Variants in NCF4 observed in about 807,000 individuals in gnomAD.
NCF4 encodes the protein neutrophil cytosolic factor 4.
NCF4 carries 30 observed loss-of-function variants against 41.7 expected under a neutral mutation model. The ratio of observed to expected loss-of-function variants is 0.72; its 90% CI spans 0.54 to 0.97. NCF4 has a LOEUF of 0.97. Ranked by LOEUF, NCF4 falls within the 50% of genes least tolerant of loss-of-function variation. The probability of loss-of-function intolerance (pLI) is 0.00; values close to 1 mark genes in which losing one functional copy is unlikely to be tolerated. For synonymous variants in NCF4, 195 were observed against 175.8 expected (o/e 1.11, Z -0.87); for missense variants, 432 against 460.9 (o/e 0.94, Z 0.57).
At position 36,870,342 on chromosome 22, in the gene NCF4, C is replaced by T. The variant is rs28485904; in HGVS notation, c.343-73C>T. ...GAGGGCTGATGTCAGGGCTCGGGGA[C>T]GGGACATCTAGGCTGGGGTGTCCAG... On this transcript the variant is annotated intron_variant, in intron 4 of 9. Transcript: ENST00000248899. 3.6e-3 allele frequency: 5,797 copies of T among 1,604,732 alleles called. 190 individuals carry two copies. In the African/African-American group the frequency reaches 0.069, roughly 19 times the overall value.
rs1193225365 is a variant in NCF4, at chr22:36,877,771, A to T, written c.968A>T (p.Lys323Met). The change falls in exon 10 of 10, where the codon AAG (lysine) becomes ATG (methionine). Residue 323 changes from lysine (K) to methionine (M), a missense_variant. Physicochemically the swap from Lys to Met is moderately conservative, Grantham distance 95. Coordinates refer to ENST00000248899, the MANE Select transcript of NCF4 (RefSeq NM_000631.5). Reference protein sequence around the residue: ...LPSQKRLFPWKLHITQKDNYR... With the variant: ...LPSQKRLFPWMLHITQKDNYR... ...TCCCAGAAGCGCCTCTTCCCCTGGA[A>T]GCTGCACATCACGCAGAAGGACAAC... The T allele has an allele frequency of 1.2e-6, 2 of 1,614,070 alleles. No individual in the cohort carries two copies. The highest frequency in any genetic ancestry group is 4.5e-5 in the East Asian group (2 of 44,850).
In NCF4 at chr22:36,864,118, A is replaced by T; in HGVS notation, c.106A>T (p.Thr36Ser). 1 of 1,603,432 alleles carries T rather than the reference A, an allele frequency of 6.2e-7. No homozygotes were observed. Among genetic ancestry groups the T allele is most frequent in the Non-Finnish European group, 8.5e-7 (1 of 1,174,578 alleles). The change falls in exon 2 of 10, where the codon ACC (threonine) becomes TCC (serine). Residue 36 changes from threonine to serine, a missense_variant. Transcript: ENST00000248899. Reference protein sequence around the residue: ...IADIEEKRGFTSHFVFVIEVK... With the variant: ...IADIEEKRGFSSHFVFVIEVK... ...TGACATCGAGGAGAAGAGAGGCTTC[A>T]CCAGCCACTTTGTAAGACAGACTCC...
At chr22:36,861,544 A>G (rs1422662747) in intron 1 of NCF4, among the ~76,000 whole-genome samples, 2 of 152,108 alleles carry the variant, frequency 1.3e-5, no homozygotes, top group Non-Finnish European at 2.9e-5. Context: ...ATGACTTTCC[A>G]TCTTCTGCGC....
intron 7 of NCF4, among the ~76,000 whole-genome samples, chr22:36,874,979 C>A (rs950863035): frequency 3.3e-5 from 5 of 152,164 alleles, no homozygotes; most frequent in African/African-American, 9.7e-5. Flanking sequence ...GCGTGTCATT[C>A]CCCATCATAC....
chr22:36,863,062 C>T (rs547481379), intron 1 of NCF4, among the ~76,000 whole-genome samples: 81 of 152,238 alleles, frequency 5.3e-4, no homozygotes, highest in South Asian at 2.7e-3. Context: ...AGGGGACTTC[C>T]GGTTGGGTTT....
Position 36,865,579 on chromosome 22 carries a change from C to T in NCF4, c.271+507C>T, listed in dbSNP as rs1235308943. ...CTCTGCTTGCAAACAGTCTCCCCGC[C>T]CCCTGGCCTCCTGGTCCTTCCTCCC... On this transcript the variant is annotated intron_variant, in intron 3 of 9. Transcript: ENST00000248899. The surrounding 1 kb of genome is among the most constrained non-coding windows in gnomAD (Gnocchi z 4.3). Among the ~76,000 whole-genome samples, 2 of 152,116 alleles carry T rather than the reference C, an allele frequency of 1.3e-5. No individual in the cohort carries two copies. Among genetic ancestry groups the T allele is most frequent in the South Asian group, 2.1e-4 (1 of 4,820 alleles).
intron 9 of NCF4, 39 bp from the exon 10 acceptor site, chr22:36,877,589 G>A (rs377128925): frequency 8.4e-5 from 135 of 1,610,134 alleles, no homozygotes; most frequent in Middle Eastern, 1.7e-4. Flanking sequence ...CCTACCTTAC[G>A]CTTAGGCCCT....
rs772046027 is a variant in NCF4 at position 36,861,123 on chromosome 22, G to A, written c.-49G>A. ...GAAGTGAGAGGTGAACTCAGCCTGG[G>A]ACTGGCTGGGCGAGACTCTCCACCT... On this transcript the variant is annotated 5_prime_UTR_variant, in exon 1 of 10. Coordinates refer to ENST00000248899, the MANE Select transcript of NCF4 (RefSeq NM_000631.5). 3 of 1,550,180 alleles carry A rather than the reference G, an allele frequency of 1.9e-6. No individual in the cohort carries two copies. Among genetic ancestry groups the A allele is most frequent in the Non-Finnish European group, 2.6e-6 (3 of 1,145,822 alleles).
rs1163742214 is a variant in NCF4, at chr22:36,871,806, T to G, written c.528+97T>G. ...GGGCCTCTCCTGCTGGGTGCTGCTG[T>G]GTGCCTGGGACAGTGCTGGGCACCA... On this transcript the variant is annotated intron_variant, in intron 6 of 9. Coordinates refer to ENST00000248899, the MANE Select transcript of NCF4 (RefSeq NM_000631.5). 2.2e-6 allele frequency: 3 copies of G among 1,370,128 alleles called. No individual in the cohort carries two copies. In the South Asian group the frequency reaches 3.7e-5, roughly 17 times the overall value. 84.9% of individuals were successfully genotyped at this position (1,370,128 alleles called of 1,614,324 possible). A position where few individuals can be genotyped will look rare whatever the true frequency, so the allele number is the denominator to read the frequency against.
intron 3 of NCF4, among the ~76,000 whole-genome samples, chr22:36,867,031 G>A (rs1217095145): frequency 6.6e-6 from 1 of 151,898 alleles, no homozygotes; most frequent in Admixed American, 6.6e-5. Context: ...TGTGCAGCCG[G>A]TGTTGCCACT....
rs540990854 is a variant in NCF4, at chr22:36,878,005, T to C, written c.*182T>C. ...CATCTGATTTAAATAAACCATTCCA[T>C]CTGAAAGGGGCAGGCTGCGGGAAAG... On this transcript the variant is annotated 3_prime_UTR_variant, in exon 10 of 10. Coordinates refer to ENST00000248899, the MANE Select transcript of NCF4 (RefSeq NM_000631.5). 3.1e-6 allele frequency: 2 copies of C among 648,972 alleles called. No individual in the cohort carries two copies. Among genetic ancestry groups the C allele is most frequent in the Admixed American group, 5.8e-5 (2 of 34,456 alleles). The allele number at this position is 648,972 out of a possible 1,614,324, so 40.2% of individuals were successfully genotyped here.
intron 9 of NCF4, among the ~76,000 whole-genome samples, chr22:36,876,932 C>T (rs930946259): frequency 1.3e-5 from 2 of 152,166 alleles, no homozygotes; most frequent in Non-Finnish European, 1.5e-5. Flanking sequence ...TAGAAGGATG[C>T]GCATCTTCCC....
At position 36,871,054 on chromosome 22, in the gene NCF4, G is replaced by T. The variant is rs370580381; in HGVS notation, c.470+512G>T. Among the ~76,000 whole-genome samples, 33 of 152,342 alleles carry T rather than the reference G, an allele frequency of 2.2e-4. 1 individual carries two copies. In the South Asian group the frequency reaches 6.6e-3, roughly 31 times the overall value. On this transcript the variant is annotated intron_variant, in intron 5 of 9. Coordinates refer to ENST00000248899, the MANE Select transcript of NCF4 (RefSeq NM_000631.5). ...ATTCAAGCCACTCGTAGACTGCTGG[G>T]CTTCCAAAGCCCAGGTTGCTGCTAC... is the stretch of plus-strand genomic sequence containing the variant.
rs1939855445 is a variant in NCF4 at position 36,864,052 on chromosome 22, G to C, written c.40G>C (p.Glu14Gln). ...TTCCCCTCCTTCGCACAGTGACTTT[G>C]AACAGCTTCCGGATGATGTTGCCAT... Reference protein sequence around the residue: ...AQQLRAESDFEQLPDDVAISA... With the variant: ...AQQLRAESDFQQLPDDVAISA... The change falls in exon 2 of 10, where the codon GAA becomes CAA. Residue 14 changes from glutamate to glutamine, a missense_variant. Transcript: ENST00000248899. 3 of 1,614,004 alleles carry C rather than the reference G, an allele frequency of 1.9e-6. No homozygotes were observed. Among genetic ancestry groups the C allele is most frequent in the African/African-American group, 1.3e-5 (1 of 74,904 alleles).
intron 7 of NCF4, among the ~76,000 whole-genome samples, chr22:36,875,024 T>G (rs536113964): frequency 6.6e-6 from 1 of 152,264 alleles, no homozygotes; most frequent in South Asian, 2.1e-4. Flanking sequence ...TTATTATTAT[T>G]TTTTTATTAT....
At position 36,861,144 on chromosome 22, in the gene NCF4, C is replaced by T. The variant is rs965443035; in HGVS notation, c.-28C>T. 2 of 1,551,426 alleles carry T rather than the reference C, an allele frequency of 1.3e-6. No individual in the cohort carries two copies. Among genetic ancestry groups the T allele is most frequent in the African/African-American group, 1.4e-5 (1 of 73,154 alleles). On this transcript the variant is annotated 5_prime_UTR_variant, in exon 1 of 10. Coordinates refer to ENST00000248899, the MANE Select transcript of NCF4 (RefSeq NM_000631.5). ...CTGGGACTGGCTGGGCGAGACTCTC[C>T]ACCTGCTCCCTGGGACCATCGCCCA...
At position 36,877,853 on chromosome 22, in the gene NCF4, A is replaced by T. The variant is rs557549740; in HGVS notation, c.*30A>T. The T allele has an allele frequency of 6.3e-7, 1 of 1,592,322 alleles. No individual in the cohort carries two copies. The highest frequency in any genetic ancestry group is 1.1e-5 in the South Asian group (1 of 88,980). ...ACGGTGTCCCTGGAGCAGTGAGGGG[A>T]CACCAGCAAAAACCTTCAGCTCTCA... On this transcript the variant is annotated 3_prime_UTR_variant, in exon 10 of 10. Transcript: ENST00000248899.
Position 36,870,240 on chromosome 22 carries a change from C to T in NCF4, c.343-175C>T, listed in dbSNP as rs1940020567. The T allele has an allele frequency of 6.6e-6, 6 of 906,656 alleles. No individual in the cohort carries two copies. The South Asian group carries it at 8.8e-5, about 13-fold the overall frequency. 56.2% of individuals were successfully genotyped at this position (906,656 alleles called of 1,614,324 possible). On this transcript the variant is annotated intron_variant, in intron 4 of 9. Coordinates refer to ENST00000248899, the MANE Select transcript of NCF4 (RefSeq NM_000631.5). The stretch of plus-strand genomic sequence containing the variant: ...CAGGAGCAGAGCTTGTGAAGTGTTA[C>T]CTTCAGCATGCTGAGTTTTCTTATT...
intron 2 of NCF4, 115 bp from the exon 3 acceptor site, chr22:36,864,804 C>G: frequency 7.6e-7 from 1 of 1,314,820 alleles, no homozygotes; most frequent in East Asian, 2.4e-5. Context: ...AGAGACCCTT[C>G]TGCATCCTTA....
Sources: gnomAD v4.1 joint callset for allele counts (sites outside exome capture counted in the v4.1 genomes callset) on GRCh38, gnomAD v4.1.1 for gene constraint, Gnocchi (gnomAD v3.1) non-coding constraint, MANE v1.5 for transcripts, NCBI Gene and HGNC (gene_info 2026-07-23, HGNC 2026-07-21) for gene names.